The following KLF3 variants were observed in gnomAD, a reference collection of about 807,000 sequenced individuals.
KLF3 encodes the protein Krueppel-like factor 3.
A neutral mutation model predicts 32.7 loss-of-function variants in KLF3; 6 were observed. The ratio of observed to expected loss-of-function variants is 0.18; its 90% CI spans 0.10 to 0.36. The LOEUF is 0.36. KLF3 is among the 10% of genes least tolerant of loss of function. The pLI is 1.00. For missense variants in KLF3, 338 were observed against 449.7 expected (o/e 0.75, Z 2.25); for synonymous variants, 145 against 172.8 (o/e 0.84, Z 1.26).
intron 1 of KLF3, chr4:38,664,760 C>T (rs1721956268): frequency 6.6e-6 from 1 of 151,962 alleles, no homozygotes; most frequent in Admixed American, 6.6e-5. Flanking sequence ...CAGCGCCCGC[C>T]GCCGTCCCGG....
At chr4:38,681,177 G>A (rs1722513943) in intron 2 of KLF3, among the ~76,000 whole-genome samples, 1 of 152,156 alleles carries the variant, frequency 6.6e-6, no homozygotes, top group Admixed American at 6.5e-5. Context: ...CCTTTAAATG[G>A]GATCTGCGCT....
intron 1 of KLF3, 101 bp from the exon 2 acceptor site, chr4:38,680,486 T>G: frequency 3.5e-6 from 2 of 578,838 alleles, no homozygotes; most frequent in Admixed American, 2.2e-5. Context: ...AGTGCTGGGA[T>G]TACAGGGGTG....
chr4:38,676,430 G>A (rs1044599352), intron 1 of KLF3, among the ~76,000 whole-genome samples: 10 of 152,128 alleles, frequency 6.6e-5, no homozygotes, highest in Non-Finnish European at 1.2e-4. Flanking sequence ...GACAGAGTGG[G>A]ACTCCATCTC....
rs1397487407 is a variant in KLF3, at chr4:38,698,992, G to A, written c.*1729G>A. 4 of 152,196 alleles carry A rather than the reference G, an allele frequency of 2.6e-5. No homozygotes were observed. The East Asian group carries it at 7.7e-4, about 29-fold the overall frequency. 9.4% of individuals were successfully genotyped at this position (152,196 alleles called of 1,614,324 possible). A position where few individuals can be genotyped will look rare whatever the true frequency, so the allele number is the denominator to read the frequency against. ...AAACATCTGTGAATGAGTGATTCCG[G>A]AGGCCTGTGAATTGTGTGGGGAGCT... On this transcript the variant is annotated 3_prime_UTR_variant, in exon 6 of 6. Coordinates refer to ENST00000261438, the MANE Select transcript of KLF3 (RefSeq NM_016531.6).
rs1723173618 is a variant in KLF3 at position 38,700,729 on chromosome 4, C to G, written c.*3466C>G. 6.6e-6 allele frequency: 1 copy of G among 152,126 alleles called. No homozygotes were observed. The allele number at this position is 152,126 out of a possible 1,614,324, so 9.4% of individuals were successfully genotyped here. A position where few individuals can be genotyped will look rare whatever the true frequency, so the allele number is the denominator to read the frequency against. ...TTATTACATTTACAGTACTTTAATA[C>G]TTGTATAAACTATGCAGAAATTTTT... On this transcript the variant is annotated 3_prime_UTR_variant, in exon 6 of 6. Transcript: ENST00000261438.
rs1043465752 is a variant in KLF3 at position 38,699,772 on chromosome 4, G to A, written c.*2509G>A. 1 of 152,094 alleles carries A rather than the reference G, an allele frequency of 6.6e-6. No homozygotes were observed. The highest frequency in any genetic ancestry group is 1.5e-5 in the Non-Finnish European group (1 of 68,020). The allele number at this position is 152,094 out of a possible 1,614,324, so 9.4% of individuals were successfully genotyped here. Reference sequence around the variant, plus strand: ...AGCGGCCATTCTCTATTCCCATGCTGGTCAATACGCTTTCATTACCAATTG... The same window carrying A: ...AGCGGCCATTCTCTATTCCCATGCTAGTCAATACGCTTTCATTACCAATTG... On this transcript the variant is annotated 3_prime_UTR_variant, in exon 6 of 6. Coordinates refer to ENST00000261438, the MANE Select transcript of KLF3 (RefSeq NM_016531.6).
intron 4 of KLF3, among the ~76,000 whole-genome samples, chr4:38,693,582 C>T (rs1722949535): frequency 2.0e-5 from 3 of 151,568 alleles, no homozygotes; most frequent in Admixed American, 2.0e-4. Context: ...TTCTTTTTTT[C>T]CTTTTCACAC....
rs1456370758 is a variant in KLF3, at chr4:38,699,597, A to G, written c.*2334A>G. On this transcript the variant is annotated 3_prime_UTR_variant, in exon 6 of 6. Transcript: ENST00000261438. ...GCCTCATGGGCATCTCATGGAATTG[A>G]TGCATTTGCTGTGGCATATTTAAAT... 3 of 152,240 alleles carry G rather than the reference A, an allele frequency of 2.0e-5. No homozygotes were observed. Among genetic ancestry groups the G allele is most frequent in the East Asian group, 1.9e-4 (1 of 5,202 alleles). The allele number at this position is 152,240 out of a possible 1,614,324, so 9.4% of individuals were successfully genotyped here.
At chr4:38,677,428 T>C (rs1722386789) in intron 1 of KLF3, among the ~76,000 whole-genome samples, 1 of 152,226 alleles carries the variant, frequency 6.6e-6, no homozygotes, top group Non-Finnish European at 1.5e-5. Context: ...AAGGATTCAG[T>C]AGTCGTTGCT....
chr4:38,681,772 G>A (rs1456762216), intron 2 of KLF3, among the ~76,000 whole-genome samples: 1 of 152,200 alleles, frequency 6.6e-6, no homozygotes, highest in African/African-American at 2.4e-5. Flanking sequence ...CCCGAGGTGT[G>A]TATCTGAAGG....
In KLF3 at chr4:38,698,445, CT is replaced by C. The variant is rs1386985764; in HGVS notation, c.*1183del. On this transcript the variant is annotated 3_prime_UTR_variant, in exon 6 of 6. Coordinates refer to ENST00000261438, the MANE Select transcript of KLF3 (RefSeq NM_016531.6). ...ATTCATGACACATACCATAAAGCAT[CT>C]GCTAATGCTTTAATGGATTGATTCA... 2 of 152,640 alleles carry C rather than the reference CT, an allele frequency of 1.3e-5. No individual in the cohort carries two copies. The highest frequency in any genetic ancestry group is 2.4e-5 in the African/African-American group (1 of 41,448). The allele number at this position is 152,640 out of a possible 1,614,324, so 9.5% of individuals were successfully genotyped here. A position where few individuals can be genotyped will look rare whatever the true frequency, so the allele number is the denominator to read the frequency against.
chr4:38,682,184 T>C (rs1722546224), intron 2 of KLF3, among the ~76,000 whole-genome samples: 1 of 152,172 alleles, frequency 6.6e-6, no homozygotes, highest in African/African-American at 2.4e-5. Flanking sequence ...TCAGCCACCA[T>C]AGTAGCTGGG....
chr4:38,694,069 T>A (rs1173532821), intron 4 of KLF3, among the ~76,000 whole-genome samples: 2 of 152,202 alleles, frequency 1.3e-5, no homozygotes, highest in Non-Finnish European at 2.9e-5. Context: ...CATACAGGAA[T>A]CACAGTGACA....
rs561035788 is a variant in KLF3, at chr4:38,698,828, T to G, written c.*1565T>G. 9.8e-5 allele frequency: 15 copies of G among 152,322 alleles called. No individual in the cohort carries two copies. Among genetic ancestry groups the G allele is most frequent in the African/African-American group, 3.6e-4 (15 of 41,574 alleles). The allele number at this position is 152,322 out of a possible 1,614,324, so 9.4% of individuals were successfully genotyped here. The stretch of plus-strand genomic sequence containing the variant: ...GAAAGTGAGCAACAGTAGTTAAATG[T>G]GGGTGCATATAACCAAATTCCCCTT... On this transcript the variant is annotated 3_prime_UTR_variant, in exon 6 of 6. Transcript: ENST00000261438.
At chr4:38,687,828 G>A (rs1722747918) in intron 2 of KLF3, among the ~76,000 whole-genome samples, 1 of 152,150 alleles carries the variant, frequency 6.6e-6, no homozygotes, top group African/African-American at 2.4e-5. Flanking sequence ...CCGCAGTGAG[G>A]GTGGCCTTCA....
At position 38,685,412 on chromosome 4, in the gene KLF3, G is replaced by A. The variant is rs116867226; in HGVS notation, c.58-3173G>A. Among the ~76,000 whole-genome samples the A allele has an allele frequency of 2.0e-3, 300 of 152,200 alleles. 5 individuals carry two copies. In the East Asian group the frequency reaches 0.042, roughly 21 times the overall value. On this transcript the variant is annotated intron_variant, in intron 2 of 5. Transcript: ENST00000261438. Reference sequence around the variant, plus strand: ...TCGCACATCCAATAGAGGGAATGAGGGCATTCATTTGAGAACAGACTTATC... The same window carrying A: ...TCGCACATCCAATAGAGGGAATGAGAGCATTCATTTGAGAACAGACTTATC...
Position 38,689,898 on chromosome 4 carries a change from A to G in KLF3, c.695+19A>G, listed in dbSNP as rs1314161167. 2.9e-6 allele frequency: 4 copies of G among 1,402,402 alleles called. No individual in the cohort carries two copies. Among genetic ancestry groups the G allele is most frequent in the South Asian group, 1.2e-5 (1 of 85,714 alleles). The allele number at this position is 1,402,402 out of a possible 1,614,324, so 86.9% of individuals were successfully genotyped here. ...TGCAAGAGTAAGTATATTTAGGTCT[A>G]CCCAGCATTTGCATAGTAGTGTGCA... On this transcript the variant is annotated intron_variant, in intron 4 of 5. Coordinates refer to ENST00000261438, the MANE Select transcript of KLF3 (RefSeq NM_016531.6).
At chr4:38,665,551 CCTT>C (rs1358488620) in intron 1 of KLF3, among the ~76,000 whole-genome samples, 1 of 152,148 alleles carries the variant, frequency 6.6e-6, no homozygotes, top group Non-Finnish European at 1.5e-5. Context: ...AAATTGCTCA[CCTT>C]CTTGTATTTC....
Position 38,671,757 on chromosome 4 carries a change from C to G in KLF3, c.-40+7296C>G, listed in dbSNP as rs1409996600. Among the ~76,000 whole-genome samples the G allele has an allele frequency of 6.6e-6, 1 of 152,164 alleles. No homozygotes were observed. Among genetic ancestry groups the G allele is most frequent in the African/African-American group, 2.4e-5 (1 of 41,430 alleles). On this transcript the variant is annotated intron_variant, in intron 1 of 5. Transcript: ENST00000261438. The surrounding 1 kb of genome is among the most constrained non-coding windows in gnomAD (Gnocchi z 4.4). Reference sequence around the variant, plus strand: ...TAAAACGGGAAGGTAGTAACCACCTCATTGACATTAAACAGCGCCTGGGGA... The same window carrying G: ...TAAAACGGGAAGGTAGTAACCACCTGATTGACATTAAACAGCGCCTGGGGA...
Sources: gnomAD v4.1 joint callset for allele counts (sites outside exome capture counted in the v4.1 genomes callset) on GRCh38, gnomAD v4.1.1 for gene constraint, Gnocchi (gnomAD v3.1) non-coding constraint, MANE v1.5 for transcripts, NCBI Gene and HGNC (gene_info 2026-07-23, HGNC 2026-07-21) for gene names.